BCLAF1: variants seen among roughly 807,000 people sequenced by gnomAD.
BCLAF1 encodes the protein BCL2 associated transcription factor 1, also known as bcl-2-associated transcription factor 1.
BCLAF1 carries 10 observed loss-of-function variants against 99.5 expected under a neutral mutation model. The ratio of observed to expected loss-of-function variants is 0.10; its 90% CI spans 0.06 to 0.17. BCLAF1 has a LOEUF of 0.17. Ranked by LOEUF, BCLAF1 falls within the 10% of genes least tolerant of loss-of-function variation. The pLI is 1.00. For missense variants in BCLAF1, 636 were observed against 1,105.8 expected, an observed-to-expected ratio of 0.58 and a Z score of 6.02; for synonymous variants, 255 against 370.9, an observed-to-expected ratio of 0.69 and a Z score of 3.59.
At chr6:136,265,897 T>C (rs918285356) in intron 11 of BCLAF1, among the ~76,000 whole-genome samples, 1 of 152,162 alleles carries the variant, frequency 6.6e-6, no homozygotes, top group African/African-American at 2.4e-5. Flanking sequence ...AGCATAAACA[T>C]GTCTGTTAAT....
At chr6:136,268,054 GAAT>G (rs1456780794) in intron 10 of BCLAF1, 105 bp downstream of exon 10, 3 of 1,085,974 alleles carry the variant, frequency 2.8e-6, no homozygotes, top group Admixed American at 5.6e-5. Context: ...CTGACTTTAG[GAAT>G]AATGACACAC....
intron 11 of BCLAF1, among the ~76,000 whole-genome samples, chr6:136,263,341 G>C (rs1206465651): frequency 6.6e-6 from 1 of 151,928 alleles, no homozygotes; most frequent in South Asian, 2.1e-4. Flanking sequence ...TAGACACTAG[G>C]GTTAAACTAG....
intron 11 of BCLAF1, 115 bp downstream of exon 11, chr6:136,266,914 T>G: frequency 7.7e-7 from 1 of 1,306,098 alleles, no homozygotes. Context: ...TAAAAAAGGT[T>G]TCCCACATAA....
At chr6:136,284,130 G>GTGTGTATATATATATATA (rs36141174) in intron 1 of BCLAF1, among the ~76,000 whole-genome samples, 202 of 122,058 alleles carry the variant, frequency 1.7e-3, no homozygotes, top group African/African-American at 8.0e-3. Flanking sequence ...GTGTGTGTGT[G>GTGTGTATATATATATATA]TATATATATA....
In BCLAF1 at chr6:136,267,051, G is replaced by A. The variant is rs1247377939; in HGVS notation, c.2522C>T (p.Pro841Leu). 1.9e-6 allele frequency: 3 copies of A among 1,612,734 alleles called. No individual in the cohort carries two copies. Among genetic ancestry groups the A allele is most frequent in the Non-Finnish European group, 2.5e-6 (3 of 1,179,244 alleles). ...KEEEWDPEYT[P>L]KSKKYFLHDD... Reference sequence around the variant, plus strand: ...CACCAAGAAGTACTTCTTGCTCTTTGGGGTATATTCTGGATCCCATTCCTC... The same window carrying A: ...CACCAAGAAGTACTTCTTGCTCTTTAGGGTATATTCTGGATCCCATTCCTC... Residue 841 changes from proline to leucine, a missense_variant, in exon 11 of 13, where the codon CCA becomes CTA. Transcript: ENST00000531224.
chr6:136,267,225 G>A (rs779645066), intron 10 of BCLAF1, 50 bp from the exon 11 acceptor site: 41 of 1,563,494 alleles, frequency 2.6e-5, no homozygotes, highest in Non-Finnish European at 3.0e-5. Context: ...AAGGTATTTA[G>A]TTACATGCAA....
At chr6:136,271,514 T>C (rs1482878939) in intron 8 of BCLAF1, among the ~76,000 whole-genome samples, 2 of 151,920 alleles carry the variant, frequency 1.3e-5, no homozygotes, top group African/African-American at 4.8e-5. Context: ...CAAGTCTTTG[T>C]TCCAAACGTT....
chr6:136,285,518 T>C (rs151279995), intron 1 of BCLAF1, among the ~76,000 whole-genome samples: 7 of 152,304 alleles, frequency 4.6e-5, no homozygotes, highest in South Asian at 2.1e-4. Flanking sequence ...TAAAAGGTGC[T>C]TGATGTTTCC....
intron 9 of BCLAF1, chr6:136,268,566 T>C (rs554858761): frequency 4.8e-5 from 22 of 462,248 alleles, no homozygotes; most frequent in Admixed American, 2.4e-4. Flanking sequence ...AGTTAGAAAA[T>C]AGTAGTCTGT....
At chr6:136,275,421 G>A in intron 6 of BCLAF1, 111 bp downstream of exon 6, 1 of 1,036,488 alleles carries the variant, frequency 9.6e-7, no homozygotes, top group Non-Finnish European at 1.3e-6. Context: ...TAATAATATT[G>A]GATGTATATT....
chr6:136,271,887 A>G (rs1179417650), intron 8 of BCLAF1, 108 bp downstream of exon 8: 2 of 766,434 alleles, frequency 2.6e-6, no homozygotes, highest in Non-Finnish European at 4.3e-6. Context: ...GTTATGAATT[A>G]AAAGTAGAAG....
At chr6:136,271,154 A>G (rs1310036249) in intron 8 of BCLAF1, among the ~76,000 whole-genome samples, 2 of 151,856 alleles carry the variant, frequency 1.3e-5, no homozygotes, top group African/African-American at 2.4e-5. Flanking sequence ...AAACAGATGC[A>G]TTCTCATTTT....
intron 11 of BCLAF1, among the ~76,000 whole-genome samples, chr6:136,266,364 A>G (rs1357563277): frequency 6.6e-6 from 1 of 152,094 alleles, no homozygotes; most frequent in Non-Finnish European, 1.5e-5. Context: ...GTTTCGGTAT[A>G]TTCTTGTCCA....
At chr6:136,261,206 T>A in intron 12 of BCLAF1, 59 bp downstream of exon 12, 7 of 1,572,834 alleles carry the variant, frequency 4.5e-6, no homozygotes, top group Non-Finnish European at 3.5e-6. Flanking sequence ...ATGAAATAAT[T>A]CACCCACCAA....
chr6:136,268,357 C>CA lies in BCLAF1; in HGVS notation c.2220-19dup, dbSNP rs1782033199. ...TATGTTTACTGCAAAATAAAGAAAACAAAAAATGTGATACTTTTAAAAAGA... is the reference window on the plus strand; with the variant it reads ...TATGTTTACTGCAAAATAAAGAAAACAAAAAAATGTGATACTTTTAAAAAGA... On this transcript the variant is annotated intron_variant, in intron 9 of 12. Coordinates refer to ENST00000531224, the MANE Select transcript of BCLAF1 (RefSeq NM_014739.3). 6.4e-7 allele frequency: 1 copy of CA among 1,571,786 alleles called. No individual in the cohort carries two copies.
intron 2 of BCLAF1, among the ~76,000 whole-genome samples, chr6:136,280,676 A>G (rs558235883): frequency 9.2e-5 from 14 of 152,290 alleles, no homozygotes; most frequent in African/African-American, 3.4e-4. Context: ...CTATAATTAG[A>G]CCTCATTGGG....
chr6:136,274,327 A>G, intron 6 of BCLAF1: 1 of 312,480 alleles, frequency 3.2e-6, no homozygotes, highest in Non-Finnish European at 5.3e-6. Context: ...AAAAAGAAAA[A>G]GGAAAAAATT....
chr6:136,262,761 C>T (rs1015863631), intron 11 of BCLAF1, among the ~76,000 whole-genome samples: 5 of 152,138 alleles, frequency 3.3e-5, no homozygotes, highest in African/African-American at 1.2e-4. Context: ...ATGCCCACTC[C>T]ACTACATAAT....
chr6:136,266,022 T>C (rs1215529762), intron 11 of BCLAF1, among the ~76,000 whole-genome samples: 1 of 152,104 alleles, frequency 6.6e-6, no homozygotes, highest in African/African-American at 2.4e-5. Flanking sequence ...TGAGAAAACA[T>C]TATGCATAAC....
Sources: allele counts gnomAD v4.1 joint callset (sites outside exome capture counted in the v4.1 genomes callset), GRCh38; gene constraint gnomAD v4.1.1; transcripts MANE v1.5; gene names NCBI Gene and HGNC (gene_info 2026-07-23, HGNC 2026-07-21).